Variants in DOCK8 observed in about 807,000 individuals in gnomAD.
DOCK8 encodes the protein dedicator of cytokinesis protein 8.
Under a neutral mutation model 245.6 loss-of-function variants are expected in DOCK8, and 141 were observed. The ratio of observed to expected loss-of-function variants is 0.57; its 90% CI spans 0.50 to 0.66. The LOEUF is 0.66. Among genes scored for constraint, DOCK8 ranks in the 30% least tolerant of loss-of-function variants. DOCK8 has a pLI of 0.00. For synonymous variants in DOCK8, 1,168 were observed against 970.2 expected (o/e 1.20, Z -3.79); for missense variants, 2,965 against 2,603.4 (o/e 1.14, Z -3.02).
intron 7 of DOCK8, among the ~76,000 whole-genome samples, chr9:318,283 A>G (rs571939105): frequency 9.2e-5 from 14 of 152,330 alleles, no homozygotes; most frequent in African/African-American, 3.1e-4. Context: ...TTTATATACT[A>G]TTAGATGGGT....
In DOCK8 at chr9:452,050, C is replaced by G. The variant is rs758139407; in HGVS notation, c.6001C>G (p.Pro2001Ala). Residue 2001 changes from proline to alanine, a missense_variant, in exon 46 of 48, where the codon CCT (proline) becomes GCT (alanine). Around this residue, in one of 3 missense-constraint regions of DOCK8, gnomAD observed 134 missense variants for 128.1 expected, o/e 1.05. Coordinates refer to ENST00000432829, the MANE Select transcript of DOCK8 (RefSeq NM_203447.4). Reference protein sequence around the residue: ...EVAQVFLAEIPADPKLYRHHN... With the variant: ...EVAQVFLAEIAADPKLYRHHN... ...AGCCCAAGTGTTTTTGGCTGAAATT[C>G]CTGCTGATCCAAAACTCTATCGACA... is the stretch of plus-strand genomic sequence containing the variant. 5 of 1,582,604 alleles carry G rather than the reference C, an allele frequency of 3.2e-6. No individual in the cohort carries two copies. In the Admixed American group the frequency reaches 6.9e-5, roughly 22 times the overall value.
intron 14 of DOCK8, among the ~76,000 whole-genome samples, chr9:349,583 C>G (rs972986256): frequency 6.6e-6 from 1 of 152,160 alleles, no homozygotes; most frequent in African/African-American, 2.4e-5. Context: ...GCTGGTCGTT[C>G]CTTTTATACC....
intron 26 of DOCK8, among the ~76,000 whole-genome samples, chr9:399,519 T>C (rs1272766504): frequency 1.3e-5 from 2 of 152,140 alleles, no homozygotes; most frequent in Non-Finnish European, 2.9e-5. Flanking sequence ...ATTTGTGATA[T>C]GATCTGAATC....
At chr9:219,298 C>T (rs1377578122) in intron 1 of DOCK8, among the ~76,000 whole-genome samples, 13 of 151,906 alleles carry the variant, frequency 8.6e-5, no homozygotes, top group African/African-American at 2.9e-4. Flanking sequence ...GGCGAAACCC[C>T]GTCTCTACTA....
chr9:454,122 G>A (rs558547239), intron 46 of DOCK8, among the ~76,000 whole-genome samples: 2 of 152,326 alleles, frequency 1.3e-5, no homozygotes, highest in South Asian at 2.1e-4. Context: ...TGTGGGAGGC[G>A]TTATGGAAAA....
At chr9:441,837 A>G in intron 41 of DOCK8, 38 bp from the exon 42 acceptor site, 2 of 1,613,876 alleles carry the variant, frequency 1.2e-6, no homozygotes, top group Admixed American at 3.3e-5. Flanking sequence ...CCTCAGGATG[A>G]CATAACTAAG....
rs2131283420 is a variant in DOCK8, at chr9:379,807, C to G, written c.2477C>G (p.Ala826Gly). The G allele has an allele frequency of 6.2e-7, 1 of 1,614,204 alleles. No individual in the cohort carries two copies. The highest frequency in any genetic ancestry group is 8.5e-7 in the Non-Finnish European group (1 of 1,180,032). ...CAGTTTGCCTTCGAGTCCGTGGTGG[C>G]CATCGCCAACAGTCTGCACAACAGC... The part of the protein sequence containing the change: ...FSQFAFESVV[A>G]IANSLHNSKD... Residue 826 changes from alanine to glycine, a missense_variant, in exon 21 of 48, where the codon GCC (alanine) becomes GGC (glycine). This residue lies in a region of DOCK8 where 2,825 missense variants were observed against 2,453.5 expected (regional missense o/e 1.15). Coordinates refer to ENST00000432829, the MANE Select transcript of DOCK8 (RefSeq NM_203447.4).
intron 4 of DOCK8, among the ~76,000 whole-genome samples, chr9:299,040 C>G (rs2049405247): frequency 6.6e-6 from 1 of 152,046 alleles, no homozygotes; most frequent in South Asian, 2.1e-4. Flanking sequence ...TTTCAAGAAA[C>G]ATCACTGGTT....
chr9:274,927 G>C (rs1563861372), intron 2 of DOCK8, among the ~76,000 whole-genome samples: 1 of 152,116 alleles, frequency 6.6e-6, no homozygotes, highest in Non-Finnish European at 1.5e-5. Context: ...ACAAATGATT[G>C]TTTAATTTTA....
intron 1 of DOCK8, among the ~76,000 whole-genome samples, chr9:227,640 C>T (rs1404279931): frequency 1.3e-5 from 2 of 152,062 alleles, no homozygotes; most frequent in Admixed American, 6.6e-5. Flanking sequence ...CACAGATGAA[C>T]ATAAAATACA....
intron 1 of DOCK8, among the ~76,000 whole-genome samples, chr9:224,343 T>G (rs967407745): frequency 2.2e-4 from 33 of 152,338 alleles, no homozygotes; most frequent in African/African-American, 7.9e-4. Flanking sequence ...ATGTTAATTT[T>G]TAAATACATG....
At chr9:404,026 A>G (rs7469704) in intron 26 of DOCK8, among the ~76,000 whole-genome samples, 4,909 of 142,230 alleles carry the variant, frequency 0.035, 351 homozygotes, top group African/African-American at 0.12. Flanking sequence ...TAAAAAACAA[A>G]CTACTCTTGA....
intron 4 of DOCK8, among the ~76,000 whole-genome samples, chr9:300,094 T>C (rs549422550): frequency 6.6e-6 from 1 of 152,316 alleles, no homozygotes; most frequent in East Asian, 1.9e-4. Context: ...CTTATCTCTT[T>C]TCTAGGCTAA....
chr9:440,245 C>G (rs2057051536), intron 40 of DOCK8, among the ~76,000 whole-genome samples: 2 of 152,182 alleles, frequency 1.3e-5, no homozygotes, highest in Admixed American at 1.3e-4. Context: ...GTCTCAAACT[C>G]CTGGCCTCAA....
At chr9:340,359 C>T (rs374222608) in intron 14 of DOCK8, 38 bp downstream of exon 14, 16 of 1,612,458 alleles carry the variant, frequency 9.9e-6, no homozygotes, top group Non-Finnish European at 1.4e-5. Flanking sequence ...TGGTGGCTTA[C>T]ACCATAATCC....
intron 2 of DOCK8, chr9:273,004 G>A (rs2048206075): frequency 1.0e-6 from 1 of 983,936 alleles, no homozygotes; most frequent in African/African-American, 1.7e-5. Flanking sequence ...AACCACTTCT[G>A]CCTTAGAAAT....
intron 4 of DOCK8, among the ~76,000 whole-genome samples, chr9:295,223 A>G (rs183660594): frequency 2.8e-4 from 43 of 152,134 alleles, no homozygotes; most frequent in Non-Finnish European, 4.1e-4. Context: ...TGTATCTGAC[A>G]TTCTGGAAAA....
At chr9:253,819 C>G (rs1427745889) in intron 1 of DOCK8, among the ~76,000 whole-genome samples, 2 of 152,150 alleles carry the variant, frequency 1.3e-5, no homozygotes, top group African/African-American at 4.8e-5. Flanking sequence ...CATGGATCAA[C>G]TTTACCTTAG....
At chr9:363,061 A>T (rs1383165617) in intron 14 of DOCK8, among the ~76,000 whole-genome samples, 1 of 152,248 alleles carries the variant, frequency 6.6e-6, no homozygotes. Context: ...TTGCTAAATC[A>T]GTGGAAAGAA....
Sources: allele counts gnomAD v4.1 joint callset (sites outside exome capture counted in the v4.1 genomes callset), GRCh38; gene constraint gnomAD v4.1.1; regional missense constraint gnomAD v4.1.1; transcripts MANE v1.5; gene names NCBI Gene and HGNC (gene_info 2026-07-23, HGNC 2026-07-21).